CCDC40: variants seen among roughly 807,000 people sequenced by gnomAD.
The protein encoded by CCDC40 is coiled-coil domain-containing protein 40.
In CCDC40, 104 loss-of-function variants were observed where a neutral mutation model predicts 124.5. The observed-to-expected ratio is 0.84, with a 90% CI of 0.71 to 0.98. The LOEUF is 0.98. Among genes scored for constraint, CCDC40 ranks in the 50% least tolerant of loss-of-function variants. The pLI, the probability that CCDC40 is intolerant of heterozygous loss-of-function variation, is 0.00. For synonymous variants in CCDC40, 580 were observed against 602.9 expected, an observed-to-expected ratio of 0.96 and a Z score of 0.56; for missense variants, 1,463 against 1,503.9, an observed-to-expected ratio of 0.97 and a Z score of 0.45.
At chr17:80,037,688 A>AAAATAT in intron 1 of CCDC40, among the ~76,000 whole-genome samples, 1 of 45,678 alleles carries the variant, frequency 2.2e-5, no homozygotes, top group African/African-American at 5.9e-5. Flanking sequence ...TTTTTTAAAA[A>AAAATAT]AGATATACAT....
intron 19 of CCDC40, among the ~76,000 whole-genome samples, chr17:80,098,156 G>C (rs530884923): frequency 6.6e-6 from 1 of 152,190 alleles, no homozygotes; most frequent in African/African-American, 2.4e-5. Flanking sequence ...AGGACAGCCC[G>C]GCAAGGCAGA....
rs2037696380 is a variant in CCDC40 at position 80,054,865 on chromosome 17, C to T, written c.1160-3629C>T. Among the ~76,000 whole-genome samples, 8 of 152,046 alleles carry T rather than the reference C, an allele frequency of 5.3e-5. 1 individual carries two copies. The South Asian group carries it at 1.7e-3, about 32-fold the overall frequency. On this transcript the variant is annotated intron_variant, in intron 7 of 19. Coordinates refer to ENST00000397545, the MANE Select transcript of CCDC40 (RefSeq NM_017950.4). ...TGGCAGGCACCTGTAATCCCAGCTA[C>T]TCAGGAGGTTGAGACAGGAGAATTG...
At chr17:80,095,959 C>CACTGGGCCTGCACTGGGAGGGCCCA (rs1238271634) in intron 18 of CCDC40, among the ~76,000 whole-genome samples, 2 of 152,240 alleles carry the variant, frequency 1.3e-5, no homozygotes, top group Non-Finnish European at 2.9e-5. Flanking sequence ...AGGCCATGTC[C>CACTGGGCCTGCACTGGGAGGGCCCA]ACTGGGCCTG....
rs7219552 is a variant in CCDC40 at position 80,049,815 on chromosome 17, G to A, written c.856-91G>A. On this transcript the variant is annotated intron_variant, in intron 5 of 19. Coordinates refer to ENST00000397545, the MANE Select transcript of CCDC40 (RefSeq NM_017950.4). Reference sequence around the variant, plus strand: ...ACACGGAAGTCGTCTCTGGCCCACCGGAGGGAGACCTGTGGCCACCTGGGC... The same window carrying A: ...ACACGGAAGTCGTCTCTGGCCCACCAGAGGGAGACCTGTGGCCACCTGGGC... The A allele has an allele frequency of 0.23, 239,918 of 1,048,532 alleles. 34,148 individuals carry two copies. Among genetic ancestry groups the A allele is most frequent in the African/African-American group, 0.64 (40,673 of 63,696 alleles). The allele number at this position is 1,048,532 out of a possible 1,614,324, so 65.0% of individuals were successfully genotyped here.
intron 7 of CCDC40, among the ~76,000 whole-genome samples, chr17:80,057,552 T>C (rs1483592558): frequency 1.3e-5 from 2 of 152,068 alleles, no homozygotes; most frequent in African/African-American, 2.4e-5. Context: ...CACGTGTAGC[T>C]CCCTCAATAA....
In CCDC40 at chr17:80,066,203, C is replaced by T; in HGVS notation, c.1562+597C>T. The T allele has an allele frequency of 1.4e-6, 1 of 702,944 alleles. No individual in the cohort carries two copies. The highest frequency in any genetic ancestry group is 1.7e-5 in the African/African-American group (1 of 57,384). 43.5% of individuals were successfully genotyped at this position (702,944 alleles called of 1,614,324 possible). A position where few individuals can be genotyped will look rare whatever the true frequency, so the allele number is the denominator to read the frequency against. ...ACGTGTCTCACCCGCTGAGCTTTAA[C>T]TTCCCCTCCACCTTTCGTAGTCTCC... is the stretch of plus-strand genomic sequence containing the variant. On this transcript the variant is annotated intron_variant, in intron 10 of 19. Transcript: ENST00000397545. This position sits in a 1 kb window ranked among gnomAD's most constrained non-coding sequence, Gnocchi z 4.4.
chr17:80,065,615 G>A lies in CCDC40; in HGVS notation c.1562+9G>A. ...GTGCTGGAGGCGCTCAGGTACTGCA[G>A]GGCCACAGGCAGCGAGGATGTGCGG... On this transcript the variant is annotated intron_variant, in intron 10 of 19. Transcript: ENST00000397545. 8 of 1,611,990 alleles carry A rather than the reference G, an allele frequency of 5.0e-6. No homozygotes were observed. The highest frequency in any genetic ancestry group is 6.8e-6 in the Non-Finnish European group (8 of 1,179,846).
chr17:80,082,483 C>T (rs916889616), intron 12 of CCDC40, among the ~76,000 whole-genome samples: 4 of 151,962 alleles, frequency 2.6e-5, no homozygotes, highest in East Asian at 1.9e-4. Context: ...GAGGGGTGAC[C>T]GCCTCCCCAA....
intron 9 of CCDC40, among the ~76,000 whole-genome samples, chr17:80,062,931 C>T (rs902893715): frequency 6.6e-6 from 1 of 152,072 alleles, no homozygotes; most frequent in African/African-American, 2.4e-5. Flanking sequence ...TGGTGGCTCA[C>T]ACCTGTAATC....
intron 3 of CCDC40, chr17:80,040,564 A>C: frequency 2.5e-6 from 1 of 406,532 alleles, no homozygotes; most frequent in Non-Finnish European, 4.6e-6. Context: ...CTGTAATCCC[A>C]GCTACTCAGG....
intron 10 of CCDC40, among the ~76,000 whole-genome samples, chr17:80,070,992 G>A (rs1000238092): frequency 2.6e-5 from 4 of 152,148 alleles, no homozygotes; most frequent in Non-Finnish European, 5.9e-5. Flanking sequence ...GACCAGACCG[G>A]GCCTGCCACA....
In CCDC40 at chr17:80,087,404, A is replaced by C; in HGVS notation, c.2450-203A>C. ...ACCAGGCTTTGGGAGCTTAGCAGCC[A>C]AAAAGAGACCCCCTGTCCTCTCCTC... is the stretch of plus-strand genomic sequence containing the variant. On this transcript the variant is annotated intron_variant, in intron 14 of 19. Transcript: ENST00000397545. The surrounding 1 kb of genome is among the most constrained non-coding windows in gnomAD (Gnocchi z 4.5). The C allele has an allele frequency of 1.7e-6, 1 of 592,562 alleles. No homozygotes were observed. The highest frequency in any genetic ancestry group is 3.0e-6 in the Non-Finnish European group (1 of 333,540). The allele number at this position is 592,562 out of a possible 1,614,324, so 36.7% of individuals were successfully genotyped here. A position where few individuals can be genotyped will look rare whatever the true frequency, so the allele number is the denominator to read the frequency against.
chr17:80,083,080 G>GTGTAT (rs2038496449), intron 12 of CCDC40, among the ~76,000 whole-genome samples: 1 of 152,136 alleles, frequency 6.6e-6, no homozygotes, highest in Non-Finnish European at 1.5e-5. Flanking sequence ...TCCAGGGATG[G>GTGTAT]TGTAGATGCC....
chr17:80,070,946 G>T (rs901230341), intron 10 of CCDC40, among the ~76,000 whole-genome samples: 1 of 152,158 alleles, frequency 6.6e-6, no homozygotes, highest in African/African-American at 2.4e-5. Context: ...CTCCCCAGCA[G>T]CCAGAAGTCC....
chr17:80,061,076 T>C (rs1378307609), intron 9 of CCDC40, among the ~76,000 whole-genome samples: 1 of 152,162 alleles, frequency 6.6e-6, no homozygotes, highest in African/African-American at 2.4e-5. Flanking sequence ...CCGGGTAAGG[T>C]GGCTCACGCC....
intron 9 of CCDC40, among the ~76,000 whole-genome samples, chr17:80,061,699 G>A (rs923788439): frequency 6.6e-6 from 1 of 152,206 alleles, no homozygotes; most frequent in African/African-American, 2.4e-5. Flanking sequence ...TTCATCGAGC[G>A]AAGTCACAAG....
At chr17:80,057,875 CAA>C (rs11442765) in intron 7 of CCDC40, among the ~76,000 whole-genome samples, 1 of 140,390 alleles carries the variant, frequency 7.1e-6, no homozygotes, top group Admixed American at 7.3e-5. Context: ...GATTTCGTCT[CAA>C]AAAAAAAAAA....
rs112176816 is a variant in CCDC40 at position 80,040,691 on chromosome 17, A to AG, written c.552+421_552+422insG. Among the ~76,000 whole-genome samples, 14 of 151,876 alleles carry AG rather than the reference A, an allele frequency of 9.2e-5. No homozygotes were observed. The South Asian group carries it at 1.2e-3, about 14-fold the overall frequency. On this transcript the variant is annotated intron_variant, in intron 3 of 19. Coordinates refer to ENST00000397545, the MANE Select transcript of CCDC40 (RefSeq NM_017950.4). ...GAGACCTTGTCTCAAAAAAAAAAAA[A>AG]AAAAGAAAAGAAATTTCTTAGCAAG...
At chr17:80,083,698 G>A (rs764351240) in intron 12 of CCDC40, among the ~76,000 whole-genome samples, 2 of 152,180 alleles carry the variant, frequency 1.3e-5, no homozygotes, top group Non-Finnish European at 2.9e-5. Context: ...ACGTCCTCTC[G>A]ATAAACCCCC....
Sources: allele counts gnomAD v4.1 joint callset (sites outside exome capture counted in the v4.1 genomes callset), GRCh38; gene constraint gnomAD v4.1.1; non-coding constraint Gnocchi (gnomAD v3.1); transcripts MANE v1.5; gene names NCBI Gene and HGNC (gene_info 2026-07-23, HGNC 2026-07-21).